VWA8: variants seen among roughly 807,000 people sequenced by gnomAD.
VWA8 encodes von Willebrand factor A domain-containing protein 8.
A neutral mutation model predicts 241.5 loss-of-function variants in VWA8; 221 were observed. The ratio of observed to expected loss-of-function variants is 0.91; its 90% confidence interval spans 0.82 to 1.02. The LOEUF (loss-of-function observed/expected upper bound fraction) is 1.02, where lower values mean the gene tolerates loss of function less well. Among genes scored for constraint, VWA8 ranks in the 50% least tolerant of loss-of-function variants. VWA8 has a pLI of 0.00. For missense variants in VWA8, 2,322 were observed against 2,328.7 expected, an observed-to-expected ratio of 1.00 and a Z score of 0.06; for synonymous variants, 852 against 827.1, an observed-to-expected ratio of 1.03 and a Z score of -0.52.
chr13:41,824,625 C>A (rs1871103345), intron 14 of VWA8, among the ~76,000 whole-genome samples: 1 of 151,760 alleles, frequency 6.6e-6, no homozygotes, highest in South Asian at 2.1e-4. Context: ...GCTAGGAGTT[C>A]AAGAGCAGCC....
chr13:41,854,898 A>T (rs1291727849), intron 12 of VWA8, among the ~76,000 whole-genome samples: 1 of 152,172 alleles, frequency 6.6e-6, no homozygotes, highest in Non-Finnish European at 1.5e-5. Flanking sequence ...CAGCATGAAG[A>T]GTGCAAGAAA....
intron 20 of VWA8, among the ~76,000 whole-genome samples, chr13:41,771,618 A>G (rs1355334587): frequency 6.6e-6 from 1 of 152,058 alleles, no homozygotes; most frequent in African/African-American, 2.4e-5. Context: ...TTGCTCTGTC[A>G]CCCAGGCTGG....
In VWA8 at chr13:41,642,925, A is replaced by T. The variant is rs186881410; in HGVS notation, c.4612-27841T>A. ...GCCTGGGCAATGGAGCAACACTCTG[A>T]CTCAAAAAAAAAAGTCCAAACTTTT... On this transcript the variant is annotated intron_variant, in intron 37 of 44. Transcript: ENST00000379310. Among the ~76,000 whole-genome samples the T allele has an allele frequency of 3.1e-3, 465 of 152,106 alleles. 2 individuals carry two copies. The highest frequency in any genetic ancestry group is 0.01 in the African/African-American group (433 of 41,486).
chr13:41,945,486 C>A (rs1877808649), intron 2 of VWA8, among the ~76,000 whole-genome samples: 1 of 152,106 alleles, frequency 6.6e-6, no homozygotes, highest in Non-Finnish European at 1.5e-5. Flanking sequence ...CACTTTAAAT[C>A]AGCTACCACA....
chr13:41,610,666 C>CT (rs1217002045), intron 39 of VWA8, among the ~76,000 whole-genome samples: 1 of 152,140 alleles, frequency 6.6e-6, no homozygotes, highest in Non-Finnish European at 1.5e-5. Flanking sequence ...TTTTAGCATG[C>CT]TTTTTTCTAA....
At chr13:41,916,847 T>C (rs1034003108) in intron 2 of VWA8, among the ~76,000 whole-genome samples, 3 of 152,222 alleles carry the variant, frequency 2.0e-5, no homozygotes, top group African/African-American at 7.2e-5. Flanking sequence ...CAAACTGCCA[T>C]GCATAACCTA....
At chr13:41,687,937 TA>T (rs2045148005) in intron 34 of VWA8, among the ~76,000 whole-genome samples, 1 of 152,134 alleles carries the variant, frequency 6.6e-6, no homozygotes, top group Non-Finnish European at 1.5e-5. Flanking sequence ...TCTAACTTTT[TA>T]TAATAACATT....
intron 12 of VWA8, among the ~76,000 whole-genome samples, chr13:41,862,955 A>T (rs1384656063): frequency 6.6e-6 from 1 of 152,166 alleles, no homozygotes; most frequent in East Asian, 1.9e-4. Context: ...AAACTGTTCT[A>T]CACATATGTT....
chr13:41,736,667 G>T (rs1204571588), intron 21 of VWA8, among the ~76,000 whole-genome samples: 1 of 151,894 alleles, frequency 6.6e-6, no homozygotes, highest in East Asian at 1.9e-4. Context: ...GAAGAAAGAA[G>T]ACACATAAGA....
chr13:41,660,214 C>T (rs2044939907), intron 37 of VWA8, among the ~76,000 whole-genome samples: 1 of 152,090 alleles, frequency 6.6e-6, no homozygotes, highest in Admixed American at 6.5e-5. Flanking sequence ...CTCCCAGGTT[C>T]AAGTGAACTT....
rs566620236 is a variant in VWA8, at chr13:41,923,409, A to T, written c.242-11241T>A. Among the ~76,000 whole-genome samples the T allele has an allele frequency of 2.0e-5, 3 of 152,292 alleles. No individual in the cohort carries two copies. The South Asian group carries it at 6.2e-4, about 32-fold the overall frequency. ...TGTAACTAACCTGCACGTTGTGCAC[A>T]TGTACCCTAGAACTTAAAGTATAAT... On this transcript the variant is annotated intron_variant, in intron 2 of 44. Transcript: ENST00000379310.
At chr13:41,577,712 A>T (rs1000660061) in intron 42 of VWA8, among the ~76,000 whole-genome samples, 2 of 152,308 alleles carry the variant, frequency 1.3e-5, no homozygotes, top group African/African-American at 4.8e-5. Flanking sequence ...GCTAAACAGG[A>T]TCTTACACAT....
At chr13:41,790,948 G>C (rs1396555904) in intron 17 of VWA8, among the ~76,000 whole-genome samples, 1 of 151,656 alleles carries the variant, frequency 6.6e-6, no homozygotes, top group African/African-American at 2.4e-5. Flanking sequence ...ACAAAAAAAA[G>C]CCCAACTAAT....
At chr13:41,615,426 G>T (rs921622402) in intron 37 of VWA8, among the ~76,000 whole-genome samples, 2 of 152,196 alleles carry the variant, frequency 1.3e-5, no homozygotes, top group Admixed American at 6.5e-5. Context: ...TCACTGGAGA[G>T]GGGTATTTTG....
chr13:41,898,504 C>G (rs1055814866), intron 4 of VWA8, among the ~76,000 whole-genome samples: 3 of 152,256 alleles, frequency 2.0e-5, no homozygotes, highest in African/African-American at 7.2e-5. Context: ...ACTCAGGAGC[C>G]CAGCTGGCTT....
At chr13:41,608,977 C>G (rs750697688) in intron 39 of VWA8, among the ~76,000 whole-genome samples, 3 of 152,204 alleles carry the variant, frequency 2.0e-5, no homozygotes, top group Non-Finnish European at 4.4e-5. Flanking sequence ...TTCTGGCTCA[C>G]AGCTAGGACT....
intron 12 of VWA8, among the ~76,000 whole-genome samples, chr13:41,863,435 A>G (rs975926317): frequency 0.033 from 2,232 of 66,904 alleles, 37 homozygotes; most frequent in African/African-American, 0.083. Context: ...GTGTGTGTGT[A>G]TATATATATA....
intron 26 of VWA8, among the ~76,000 whole-genome samples, chr13:41,704,152 A>G (rs1425385036): frequency 6.6e-6 from 1 of 152,230 alleles, no homozygotes; most frequent in East Asian, 1.9e-4. Flanking sequence ...CATAGACTTT[A>G]TTTTGGCATC....
chr13:41,953,243 T>C (rs377590946), intron 1 of VWA8, among the ~76,000 whole-genome samples: 3 of 152,294 alleles, frequency 2.0e-5, no homozygotes, highest in African/African-American at 7.2e-5. Flanking sequence ...AAAGAGAAGA[T>C]TGGAAAACAT....
Sources: allele counts gnomAD v4.1 joint callset (sites outside exome capture counted in the v4.1 genomes callset), GRCh38; gene constraint gnomAD v4.1.1; transcripts MANE v1.5; gene names NCBI Gene and HGNC (gene_info 2026-07-23, HGNC 2026-07-21).